Variants in SYT9 observed in about 807,000 individuals in gnomAD.
SYT9 encodes the protein synaptotagmin-9.
A neutral mutation model predicts 48.4 loss-of-function variants in SYT9; 22 were observed. The observed-to-expected ratio is 0.45, with a 90% CI of 0.32 to 0.65. The LOEUF (loss-of-function observed/expected upper bound fraction) is 0.65, where lower values mean the gene tolerates loss of function less well. Among genes scored for constraint, SYT9 ranks in the 30% least tolerant of loss-of-function variants. The pLI, the probability that SYT9 is intolerant of heterozygous loss-of-function variation, is 0.03. For missense variants in SYT9, 577 were observed against 622.0 expected (o/e 0.93, Z 0.77); for synonymous variants, 265 against 245.0 (o/e 1.08, Z -0.76).
At chr11:7,276,181 A>G (rs1589906283) in intron 1 of SYT9, among the ~76,000 whole-genome samples, 1 of 152,248 alleles carries the variant, frequency 6.6e-6, no homozygotes, top group African/African-American at 2.4e-5. Context: ...TTCTTTTACC[A>G]TCACCACATC....
At chr11:7,273,089 G>A (rs1212790030) in intron 1 of SYT9, among the ~76,000 whole-genome samples, 1 of 152,134 alleles carries the variant, frequency 6.6e-6, no homozygotes, top group Non-Finnish European at 1.5e-5. Context: ...AAATGCAGTA[G>A]GAGAGTGGTA....
intron 3 of SYT9, chr11:7,314,335 G>A: frequency 2.7e-6 from 1 of 374,990 alleles, no homozygotes; most frequent in Non-Finnish European, 5.2e-6. Context: ...GACTCTGACA[G>A]CAGTAGGTAC....
chr11:7,400,916 T>G (rs1427337477), intron 3 of SYT9, among the ~76,000 whole-genome samples: 5 of 152,160 alleles, frequency 3.3e-5, no homozygotes, highest in Non-Finnish European at 7.4e-5. Context: ...TGCTATCTGT[T>G]GTTTAACAGC....
chr11:7,324,462 T>A (rs1267196804), intron 3 of SYT9, among the ~76,000 whole-genome samples: 1 of 151,944 alleles, frequency 6.6e-6, no homozygotes, highest in African/African-American at 2.4e-5. Context: ...ATATTTTTAA[T>A]AATTACTTAT....
chr11:7,377,629 C>T (rs1850478234), intron 3 of SYT9, among the ~76,000 whole-genome samples: 1 of 152,150 alleles, frequency 6.6e-6, no homozygotes, highest in Admixed American at 6.6e-5. Context: ...GCAAGGCCAT[C>T]TCTTGGCCCT....
At chr11:7,310,628 A>G (rs962918449) in intron 2 of SYT9, among the ~76,000 whole-genome samples, 2 of 151,480 alleles carry the variant, frequency 1.3e-5, no homozygotes, top group African/African-American at 4.9e-5. Flanking sequence ...TTGTATTTTT[A>G]GCAGAGATGG....
intron 1 of SYT9, among the ~76,000 whole-genome samples, chr11:7,245,906 A>G (rs1460263022): frequency 6.6e-6 from 1 of 152,198 alleles, no homozygotes; most frequent in Non-Finnish European, 1.5e-5. Context: ...ATAATTGTGT[A>G]GGTCTGAGTG....
At chr11:7,276,078 C>T (rs182682030) in intron 1 of SYT9, among the ~76,000 whole-genome samples, 1 of 152,256 alleles carries the variant, frequency 6.6e-6, no homozygotes, top group Non-Finnish European at 1.5e-5. Context: ...CATCCCCCAC[C>T]CCCAGACTGA....
At chr11:7,432,469 C>T (rs1198398717) in intron 6 of SYT9, among the ~76,000 whole-genome samples, 3 of 144,712 alleles carry the variant, frequency 2.1e-5, no homozygotes, top group Non-Finnish European at 4.5e-5. Context: ...ATAGCTTGAA[C>T]GTGGGAGGCA....
chr11:7,384,366 C>G (rs1850618695), intron 3 of SYT9, among the ~76,000 whole-genome samples: 1 of 152,146 alleles, frequency 6.6e-6, no homozygotes. Context: ...GTATGTGAAA[C>G]TGAGTTCTTG....
chr11:7,267,113 G>A (rs1333011611), intron 1 of SYT9, among the ~76,000 whole-genome samples: 1 of 151,856 alleles, frequency 6.6e-6, no homozygotes, highest in Non-Finnish European at 1.5e-5. Flanking sequence ...AAACTGTAAA[G>A]ACTTAGAAGT....
At chr11:7,405,872 A>G (rs886294007) in intron 3 of SYT9, among the ~76,000 whole-genome samples, 11 of 152,236 alleles carry the variant, frequency 7.2e-5, no homozygotes, top group Non-Finnish European at 1.5e-4. Flanking sequence ...AATAAAATCA[A>G]GCATTTTCTC....
At chr11:7,335,632 C>T (rs1233819721) in intron 3 of SYT9, among the ~76,000 whole-genome samples, 1 of 152,100 alleles carries the variant, frequency 6.6e-6, no homozygotes, top group African/African-American at 2.4e-5. Context: ...CATGTTCCTC[C>T]AGAGAACATG....
At position 7,466,915 on chromosome 11, in the gene SYT9, C is replaced by A; in HGVS notation, c.*115C>A. The stretch of plus-strand genomic sequence containing the variant: ...CAGACGATTTCAGTGACCAAATGCT[C>A]AGCTGTAACCACAGCACTAACTGGC... On this transcript the variant is annotated 3_prime_UTR_variant, in exon 7 of 7. Transcript: ENST00000318881. 7.7e-7 allele frequency: 1 copy of A among 1,290,682 alleles called. No homozygotes were observed. The highest frequency in any genetic ancestry group is 1.1e-6 in the Non-Finnish European group (1 of 903,546). The allele number at this position is 1,290,682 out of a possible 1,614,324, so 80.0% of individuals were successfully genotyped here.
At chr11:7,283,323 A>C (rs1311455550) in intron 1 of SYT9, among the ~76,000 whole-genome samples, 3 of 152,052 alleles carry the variant, frequency 2.0e-5, no homozygotes, top group Admixed American at 1.3e-4. Context: ...GTAAATTAGG[A>C]TGGAGAAAAA....
chr11:7,351,261 C>T (rs1439643416), intron 3 of SYT9, among the ~76,000 whole-genome samples: 6 of 152,078 alleles, frequency 3.9e-5, no homozygotes, highest in African/African-American at 1.4e-4. Context: ...ATCTGAATGT[C>T]GTTTGGGGCA....
At chr11:7,377,471 G>A (rs915665342) in intron 3 of SYT9, among the ~76,000 whole-genome samples, 1 of 152,106 alleles carries the variant, frequency 6.6e-6, no homozygotes, top group Non-Finnish European at 1.5e-5. Flanking sequence ...TGTGCTTGGA[G>A]GAAAGGCAGA....
At chr11:7,328,620 A>T (rs1849477203) in intron 3 of SYT9, among the ~76,000 whole-genome samples, 1 of 152,132 alleles carries the variant, frequency 6.6e-6, no homozygotes, top group African/African-American at 2.4e-5. Context: ...TTCTACACTC[A>T]GCAATTTGAC....
intron 3 of SYT9, among the ~76,000 whole-genome samples, chr11:7,322,913 T>C (rs915903535): frequency 1.1e-4 from 16 of 152,176 alleles, no homozygotes; most frequent in African/African-American, 3.6e-4. Flanking sequence ...TTGCCTATTG[T>C]TGAAATTTAT....
Sources: gnomAD v4.1 joint callset for allele counts (sites outside exome capture counted in the v4.1 genomes callset) on GRCh38, gnomAD v4.1.1 for gene constraint, MANE v1.5 for transcripts, NCBI Gene and HGNC (gene_info 2026-07-23, HGNC 2026-07-21) for gene names.